Variants in CXCL13 observed in about 807,000 individuals in gnomAD.
The protein encoded by CXCL13 is C-X-C motif chemokine 13.
A neutral mutation model predicts 12.2 loss-of-function variants in CXCL13; 7 were observed. That is an observed-to-expected ratio of 0.57 (90% CI 0.33 to 1.07). The LOEUF (loss-of-function observed/expected upper bound fraction) is 1.07. CXCL13 is among the 50% of genes least tolerant of loss of function. CXCL13 has a pLI of 0.04. For missense variants in CXCL13, 113 were observed against 127.4 expected (o/e 0.89, Z 0.55); for synonymous variants, 47 against 42.4 (o/e 1.11, Z -0.42).
intron 1 of CXCL13, among the ~76,000 whole-genome samples, chr4:77,546,969 C>A (rs572825135): frequency 1.3e-5 from 2 of 152,302 alleles, no homozygotes; most frequent in South Asian, 4.1e-4. Context: ...CAAAGAAGAT[C>A]TTTATTTCTG....
intron 1 of CXCL13, among the ~76,000 whole-genome samples, chr4:77,584,457 A>C (rs1373038193): frequency 6.6e-6 from 1 of 152,188 alleles, no homozygotes; most frequent in Non-Finnish European, 1.5e-5. Context: ...AAATACAAAA[A>C]GTAACACTCT....
intron 1 of CXCL13, among the ~76,000 whole-genome samples, chr4:77,541,764 T>C (rs80097714): frequency 0.013 from 1,954 of 152,322 alleles, 36 homozygotes; most frequent in African/African-American, 0.045. Flanking sequence ...ATTAAATTGG[T>C]AGCTTAATAT....
At chr4:77,587,441 C>T (rs557837643) in intron 1 of CXCL13, among the ~76,000 whole-genome samples, 11 of 152,166 alleles carry the variant, frequency 7.2e-5, no homozygotes, top group African/African-American at 2.4e-4. Flanking sequence ...TAAGGAGACA[C>T]GTGCAAAAAT....
At chr4:77,599,301 G>T (rs972933055) in intron 1 of CXCL13, among the ~76,000 whole-genome samples, 2 of 152,112 alleles carry the variant, frequency 1.3e-5, no homozygotes, top group African/African-American at 4.8e-5. Flanking sequence ...GGTAGTATTT[G>T]CATATAACCT....
chr4:77,538,530 A>G (rs1458904201), intron 1 of CXCL13, among the ~76,000 whole-genome samples: 1 of 151,834 alleles, frequency 6.6e-6, no homozygotes, highest in Non-Finnish European at 1.5e-5. Flanking sequence ...TCTGTACTAT[A>G]GAAGCAAAAT....
chr4:77,606,809 C>A (rs1000572309), intron 1 of CXCL13, among the ~76,000 whole-genome samples: 3 of 152,016 alleles, frequency 2.0e-5, no homozygotes, highest in Admixed American at 1.3e-4. Flanking sequence ...GAGAGGTGAG[C>A]CTTTTTATTT....
chr4:77,606,000 G>T lies in CXCL13; in HGVS notation c.64+71G>T, dbSNP rs552022425. 1.6e-5 allele frequency: 18 copies of T among 1,097,306 alleles called. No individual in the cohort carries two copies. The South Asian group carries it at 2.3e-4, about 14-fold the overall frequency. The allele number at this position is 1,097,306 out of a possible 1,614,324, so 68.0% of individuals were successfully genotyped here. On this transcript the variant is annotated intron_variant, in intron 1 of 3. Transcript: ENST00000682537. ...TCTTTAACCACTTCAATTTTCTTTC[G>T]ATTAAAAACCGCAGGGAAGTCTGAC...
At chr4:77,574,396 G>A (rs1186906979) in intron 1 of CXCL13, among the ~76,000 whole-genome samples, 2 of 151,834 alleles carry the variant, frequency 1.3e-5, no homozygotes, top group East Asian at 1.9e-4. Flanking sequence ...ATCTACGGCC[G>A]TCCTATATTT....
In CXCL13 at chr4:77,521,344, C is replaced by T. The variant is rs561318650; in HGVS notation, c.-43+9556C>T. 1.4e-4 allele frequency among the ~76,000 whole-genome samples: 21 copies of T among 152,232 alleles called. 1 individual carries two copies. The highest frequency in any genetic ancestry group is 6.8e-3 in the Middle Eastern group (2 of 294). The stretch of plus-strand genomic sequence containing the variant: ...GAATTCAGCTGTGAATCCATCTGGT[C>T]CTGGACTTTTTTTGGTTGGTAGGCT... On this transcript the variant is annotated intron_variant, in intron 1 of 4. Coordinates refer to the CXCL13 transcript ENST00000286758.
intron 1 of CXCL13, among the ~76,000 whole-genome samples, chr4:77,598,716 A>G (rs988506216): frequency 1.3e-5 from 2 of 151,986 alleles, no homozygotes; most frequent in African/African-American, 4.8e-5. Context: ...ACACATTGAG[A>G]CTCCATAGTG....
intron 1 of CXCL13, among the ~76,000 whole-genome samples, chr4:77,565,914 C>A (rs1348003702): frequency 6.6e-6 from 1 of 152,200 alleles, no homozygotes; most frequent in Non-Finnish European, 1.5e-5. Flanking sequence ...GATATAATAG[C>A]TACACAAAGG....
At chr4:77,532,887 T>G (rs1399719920) in intron 1 of CXCL13, among the ~76,000 whole-genome samples, 4 of 152,246 alleles carry the variant, frequency 2.6e-5, no homozygotes. Context: ...GCCTTGGTTT[T>G]CAGCTCCTTT....
intron 1 of CXCL13, among the ~76,000 whole-genome samples, chr4:77,524,397 C>T (rs1048985975): frequency 1.3e-5 from 2 of 152,226 alleles, no homozygotes; most frequent in African/African-American, 4.8e-5. Flanking sequence ...CCAGGTCGAG[C>T]TTCCCAGCCA....
chr4:77,581,052 T>C (rs1217629654), intron 1 of CXCL13, among the ~76,000 whole-genome samples: 3 of 151,668 alleles, frequency 2.0e-5, no homozygotes, highest in Non-Finnish European at 4.4e-5. Context: ...AATAAGCAAA[T>C]GTATAGAGAA....
intron 1 of CXCL13, among the ~76,000 whole-genome samples, chr4:77,521,418 T>C (rs1247306184): frequency 2.0e-5 from 3 of 152,210 alleles, no homozygotes; most frequent in Admixed American, 1.3e-4. Flanking sequence ...TATTCAGAGA[T>C]TCAACTTCTT....
intron 1 of CXCL13, among the ~76,000 whole-genome samples, chr4:77,551,457 T>C (rs886119766): frequency 2.0e-5 from 3 of 152,224 alleles, no homozygotes; most frequent in African/African-American, 7.2e-5. Context: ...CACCAATCTC[T>C]CCTGGCTTGT....
intron 1 of CXCL13, among the ~76,000 whole-genome samples, chr4:77,568,546 T>C (rs1394322388): frequency 6.6e-6 from 1 of 152,226 alleles, no homozygotes; most frequent in African/African-American, 2.4e-5. Context: ...GGATGCTTTC[T>C]TGTGAGAGGT....
intron 1 of CXCL13, among the ~76,000 whole-genome samples, chr4:77,515,164 A>T (rs1325827651): frequency 1.3e-5 from 2 of 152,180 alleles, no homozygotes; most frequent in African/African-American, 4.8e-5. Flanking sequence ...CCATTGATCT[A>T]TATCTCTGTT....
At chr4:77,553,627 C>G (rs1477004764) in intron 1 of CXCL13, among the ~76,000 whole-genome samples, 1 of 152,190 alleles carries the variant, frequency 6.6e-6, no homozygotes, top group East Asian at 1.9e-4. Context: ...TAATCAGCCC[C>G]ATGTCATCAC....
Sources: gnomAD v4.1 joint callset for allele counts (sites outside exome capture counted in the v4.1 genomes callset) on GRCh38, gnomAD v4.1.1 for gene constraint, MANE v1.5 for transcripts, NCBI Gene and HGNC (gene_info 2026-07-23, HGNC 2026-07-21) for gene names.